The following INO80 variants were observed in gnomAD, a reference collection of about 807,000 sequenced individuals.
The protein encoded by INO80 is chromatin-remodeling ATPase INO80.
A neutral mutation model predicts 203.4 loss-of-function variants in INO80; 20 were observed. That is an observed-to-expected ratio of 0.10 (90% CI 0.07 to 0.14). INO80 has a LOEUF of 0.14. Among genes scored for constraint, INO80 ranks in the 10% least tolerant of loss-of-function variants. The probability of loss-of-function intolerance (pLI) is 1.00; values close to 1 mark genes in which losing one functional copy is unlikely to be tolerated. For missense variants in INO80, 1,419 were observed against 1,914.4 expected (o/e 0.74, Z 4.83); for synonymous variants, 726 against 685.2 (o/e 1.06, Z -0.93).
intron 29 of INO80, among the ~76,000 whole-genome samples, chr15:40,992,326 G>A (rs1566902140): frequency 6.6e-6 from 1 of 152,220 alleles, no homozygotes; most frequent in East Asian, 1.9e-4. Context: ...TTACTAAACA[G>A]AGTCAAATGC....
intron 30 of INO80, 134 bp from the exon 31 acceptor site, chr15:40,987,327 T>A: frequency 5.3e-6 from 3 of 567,168 alleles, no homozygotes; most frequent in Non-Finnish European, 9.5e-6. Flanking sequence ...CTTTTCTCCC[T>A]TTTCATTTCA....
chr15:41,112,802 A>AC, intron 1 of INO80, among the ~76,000 whole-genome samples: 1 of 151,286 alleles, frequency 6.6e-6, no homozygotes, highest in Non-Finnish European at 1.5e-5. Flanking sequence ...AAAAAAAAAA[A>AC]AAAAAAAAAA....
At chr15:41,046,245 ATATATATATATT>A (rs2044764352) in intron 23 of INO80, among the ~76,000 whole-genome samples, 3 of 118,962 alleles carry the variant, frequency 2.5e-5, no homozygotes. Flanking sequence ...ATATATATAT[ATATATATATATT>A]CTTGTTCTGT....
chr15:41,084,210 A>G (rs2140635686), intron 7 of INO80, among the ~76,000 whole-genome samples: 1 of 152,222 alleles, frequency 6.6e-6, no homozygotes, highest in East Asian at 1.9e-4. Flanking sequence ...AAAAAAAAAA[A>G]AAACGCTACA....
chr15:41,047,634 T>G (rs1186125840), intron 22 of INO80, 133 bp from the exon 23 acceptor site: 1 of 623,336 alleles, frequency 1.6e-6, no homozygotes, highest in Non-Finnish European at 2.8e-6. Context: ...GCCACTTTGG[T>G]GCAAGTTAGG....
In INO80 at chr15:41,053,250, C is replaced by T. The variant is rs180685500; in HGVS notation, c.2274+679G>A. On this transcript the variant is annotated intron_variant, in intron 19 of 35. Transcript: ENST00000648947. The stretch of plus-strand genomic sequence containing the variant: ...CCTCCCGAGTAACTGGGACTACAGG[C>T]GCCTGCTGCCATGCCTGGCTAATTT... Among the ~76,000 whole-genome samples the T allele has an allele frequency of 6.4e-3, 977 of 152,234 alleles. 6 individuals are homozygous for T. Among genetic ancestry groups the T allele is most frequent in the Middle Eastern group, 0.01 (3 of 294 alleles).
At chr15:41,015,537 G>C (rs1280862971) in intron 27 of INO80, among the ~76,000 whole-genome samples, 3 of 152,034 alleles carry the variant, frequency 2.0e-5, no homozygotes, top group Non-Finnish European at 4.4e-5. Context: ...AAGGATGTAA[G>C]GGGTGTTCTA....
chr15:41,027,713 A>C lies in INO80; in HGVS notation c.2931T>G (p.Cys977Trp). 1 of 1,599,690 alleles carries C rather than the reference A, an allele frequency of 6.3e-7. No homozygotes were observed. The highest frequency in any genetic ancestry group is 8.5e-7 in the Non-Finnish European group (1 of 1,171,890). The change falls in exon 25 of 36, where the codon TGT (cysteine) becomes TGG (tryptophan). Residue 977 changes from cysteine to tryptophan, a missense_variant. Physicochemically the swap from Cys to Trp is radical, Grantham distance 215. Transcript: ENST00000648947. ...LLKSLVFSSHCKAVSGYSDQV... is the reference protein window; with the variant it reads ...LLKSLVFSSHWKAVSGYSDQV... ...GGTCTGAGTAGCCACTCACTGCTTT[A>C]CAGTGGCTGCTGAAAACAAGAGACT...
rs754719009 is a variant in INO80, at chr15:40,982,825, CCAGAA to C, written c.4453+32_4453+36del. On this transcript the variant is annotated intron_variant, in intron 35 of 35. Transcript: ENST00000648947. ...GACAGAATTTCTAGACTGTCTCTGACCAGAACAAAGTCTGCAGCCACCCTGGGCTT... is the reference window on the plus strand; with the variant it reads ...GACAGAATTTCTAGACTGTCTCTGACCAAAGTCTGCAGCCACCCTGGGCTT... The C allele has an allele frequency of 3.9e-6, 6 of 1,539,220 alleles. No individual in the cohort carries two copies. In the African/African-American group the frequency reaches 6.8e-5, roughly 17 times the overall value.
At chr15:41,046,206 C>CATATAT (rs1160486459) in intron 23 of INO80, among the ~76,000 whole-genome samples, 6 of 14,404 alleles carry the variant, frequency 4.2e-4, no homozygotes, top group African/African-American at 1.1e-3. Context: ...CGTATACATA[C>CATATAT]ATATATATAT....
chr15:41,058,431 C>T (rs189717751), intron 16 of INO80, among the ~76,000 whole-genome samples: 38 of 152,096 alleles, frequency 2.5e-4, no homozygotes, highest in African/African-American at 8.2e-4. Context: ...GAGGCCGATG[C>T]GAGAGGATCG....
chr15:41,039,662 C>A (rs1283087818), intron 24 of INO80, among the ~76,000 whole-genome samples: 1 of 152,226 alleles, frequency 6.6e-6, no homozygotes, highest in South Asian at 2.1e-4. Flanking sequence ...TCACAGTCTA[C>A]ACTGGAGATT....
chr15:41,022,124 A>G (rs1037130178), intron 25 of INO80, among the ~76,000 whole-genome samples: 1 of 152,200 alleles, frequency 6.6e-6, no homozygotes, highest in African/African-American at 2.4e-5. Flanking sequence ...TGCTCATTGG[A>G]GCATTTTGGG....
intron 19 of INO80, among the ~76,000 whole-genome samples, chr15:41,050,318 C>T (rs760294705): frequency 2.0e-4 from 30 of 152,196 alleles, no homozygotes; most frequent in Non-Finnish European, 4.0e-4. Context: ...ATTTGCTTTC[C>T]CTGGGCAATT....
intron 27 of INO80, among the ~76,000 whole-genome samples, chr15:41,008,564 C>T (rs1475148877): frequency 1.3e-5 from 2 of 152,114 alleles, no homozygotes; most frequent in Non-Finnish European, 2.9e-5. Flanking sequence ...CTAAGAGAGA[C>T]AATATCACAT....
chr15:41,082,250 CAAA>C (rs60486605), intron 7 of INO80, among the ~76,000 whole-genome samples: 2 of 54,672 alleles, frequency 3.7e-5, no homozygotes, highest in Non-Finnish European at 4.1e-5. Flanking sequence ...AACTCCGTCT[CAAA>C]AAAAAAAAAA....
chr15:41,066,318 A>G (rs691722), intron 14 of INO80, among the ~76,000 whole-genome samples: 18,050 of 151,786 alleles, frequency 0.12, 3,224 homozygotes, highest in African/African-American at 0.39. Flanking sequence ...GCACTACCAT[A>G]TCCAACTAAC....
chr15:41,038,011 CTTTTTTTTTTT>C (rs748525965), intron 24 of INO80, among the ~76,000 whole-genome samples: 2 of 89,796 alleles, frequency 2.2e-5, no homozygotes, highest in South Asian at 5.1e-4. Context: ...CTTCCCTTTT[CTTTTTTTTTTT>C]TTTTTTTTTT....
chr15:41,065,736 T>C (rs1452943324), intron 14 of INO80, among the ~76,000 whole-genome samples: 2 of 152,148 alleles, frequency 1.3e-5, no homozygotes, highest in Admixed American at 6.5e-5. Context: ...TGCTATAATA[T>C]GGATGAAGCT....
Sources: allele counts gnomAD v4.1 joint callset (sites outside exome capture counted in the v4.1 genomes callset), GRCh38; gene constraint gnomAD v4.1.1; transcripts MANE v1.5; gene names NCBI Gene and HGNC (gene_info 2026-07-23, HGNC 2026-07-21).